Variants in CCDC34 observed in about 807,000 individuals in gnomAD.
CCDC34 encodes the protein coiled-coil domain containing 34, also known as coiled-coil domain-containing protein 34.
A neutral mutation model predicts 44.1 loss-of-function variants in CCDC34; 40 were observed. The observed-to-expected ratio is 0.91, with a 90% CI of 0.70 to 1.18. CCDC34 has a LOEUF of 1.18. Ranked by LOEUF, CCDC34 falls within the 50% of genes most tolerant of loss-of-function variation. CCDC34 has a pLI of 0.00. For synonymous variants in CCDC34, 159 were observed against 158.2 expected (o/e 1.01, Z -0.04); for missense variants, 466 against 452.3 (o/e 1.03, Z -0.28).
At chr11:27,351,808 A>G (rs1455746700) in intron 2 of CCDC34, among the ~76,000 whole-genome samples, 1 of 152,192 alleles carries the variant, frequency 6.6e-6, no homozygotes, top group East Asian at 1.9e-4. Context: ...CTAGTCAGAA[A>G]TGAGCACCAT....
rs764893548 is a variant in CCDC34, at chr11:27,338,971, A to G, written c.972T>C (p.Ile324=). 4 of 1,613,818 alleles carry G rather than the reference A, an allele frequency of 2.5e-6. No homozygotes were observed. The South Asian group carries it at 4.4e-5, about 18-fold the overall frequency. Reference sequence around the variant, plus strand: ...TAGCTTCTTTGGGAGGTGGCATATGAATTGGTTTCCACGGAATTGGATTAT... The same window carrying G: ...TAGCTTCTTTGGGAGGTGGCATATGGATTGGTTTCCACGGAATTGGATTAT... ...AFYNPIPWKP[I]HMPPPKEAKD... The change falls in exon 6 of 6, where the codon ATT becomes ATC. Residue 324 remains isoleucine (I), a synonymous_variant. Coordinates refer to ENST00000328697, the MANE Select transcript of CCDC34 (RefSeq NM_030771.2).
In CCDC34 at chr11:27,341,496, TTGC is replaced by T. The variant is rs1402218191; in HGVS notation, c.658_660del (p.Ala220del). 2.1e-6 allele frequency: 3 copies of T among 1,419,544 alleles called. No individual in the cohort carries two copies. Among genetic ancestry groups the T allele is most frequent in the Non-Finnish European group, 2.9e-6 (3 of 1,049,962 alleles). The allele number at this position is 1,419,544 out of a possible 1,614,324, so 87.9% of individuals were successfully genotyped here. A position where few individuals can be genotyped will look rare whatever the true frequency, so the allele number is the denominator to read the frequency against. On this transcript the variant is annotated inframe_deletion, in exon 4 of 6. Transcript: ENST00000328697. ...TGCAAGTATTCTTTCTCCAGTTCCTTTGCTGCTTTTTCCTCCATTTCTTTATTA... is the reference window on the plus strand; with the variant it reads ...TGCAAGTATTCTTTCTCCAGTTCCTTTGCTTTTTCCTCCATTTCTTTATTA...
Position 27,350,411 on chromosome 11 carries a change from T to C in CCDC34, c.527A>G (p.Lys176Arg). 1 of 1,609,180 alleles carries C rather than the reference T, an allele frequency of 6.2e-7. No individual in the cohort carries two copies. The highest frequency in any genetic ancestry group is 8.5e-7 in the Non-Finnish European group (1 of 1,177,498). ...TCTTTTTTCACGTTCTTCCATTTCTTTTCTTTTTTCTAGTTGTTGATTTAA... is the reference window on the plus strand; with the variant it reads ...TCTTTTTTCACGTTCTTCCATTTCTCTTCTTTTTTCTAGTTGTTGATTTAA... ...EELNQQLEKR[K>R]EMEEREKRKI... The change falls in exon 3 of 6, where the codon AAA (lysine) becomes AGA (arginine). Residue 176 changes from lysine to arginine, a missense_variant. By Grantham distance (26) the Lys-to-Arg change is conservative. Coordinates refer to ENST00000328697, the MANE Select transcript of CCDC34 (RefSeq NM_030771.2).
intron 3 of CCDC34, among the ~76,000 whole-genome samples, chr11:27,344,187 T>G (rs1247603994): frequency 1.3e-5 from 2 of 152,042 alleles, no homozygotes. Flanking sequence ...AAAAAATGAT[T>G]TTAGAACACA....
intron 2 of CCDC34, among the ~76,000 whole-genome samples, chr11:27,354,737 G>A (rs1041951158): frequency 6.8e-6 from 1 of 147,338 alleles, no homozygotes; most frequent in Non-Finnish European, 1.5e-5. Context: ...GCGTGGTAGC[G>A]TGTGCCTACA....
intron 1 of CCDC34, 57 bp downstream of exon 1, chr11:27,362,779 A>G: frequency 6.4e-7 from 1 of 1,562,072 alleles, no homozygotes; most frequent in South Asian, 1.2e-5. Flanking sequence ...GGGGGTACTT[A>G]AGAGGGTCTA....
intron 2 of CCDC34, among the ~76,000 whole-genome samples, chr11:27,356,743 G>C (rs2133348795): frequency 6.6e-6 from 1 of 151,538 alleles, no homozygotes; most frequent in South Asian, 2.1e-4. Context: ...GTTCAAAAGA[G>C]ACTCACGCAT....
At chr11:27,348,803 GAAAAAA>G in intron 3 of CCDC34, 14 of 762,222 alleles carry the variant, frequency 1.8e-5, no homozygotes, top group South Asian at 6.2e-5. Context: ...AGGTCTTAAA[GAAAAAA>G]AAAAAAAAAA....
chr11:27,348,337 T>C (rs1862460833), intron 3 of CCDC34, among the ~76,000 whole-genome samples: 2 of 152,324 alleles, frequency 1.3e-5, no homozygotes, highest in South Asian at 4.1e-4. Flanking sequence ...ATCAGTTGTG[T>C]TTTGAGAACG....
intron 2 of CCDC34, among the ~76,000 whole-genome samples, chr11:27,351,268 T>C (rs1862500646): frequency 1.3e-5 from 2 of 152,210 alleles, no homozygotes; most frequent in Non-Finnish European, 2.9e-5. Flanking sequence ...CACTCCTCCA[T>C]AGCCCTTTCT....
In CCDC34 at chr11:27,363,020, A is replaced by G. The variant is rs754960163; in HGVS notation, c.175T>C (p.Cys59Arg). ...RSPSPPLPLS[C>R]SNSTRSLLSP... Reference sequence around the variant, plus strand: ...AACAGCGACCTGGTGGAATTGCTGCAGCTCAGCGGCAGCGGCGGCGACGGC... The same window carrying G: ...AACAGCGACCTGGTGGAATTGCTGCGGCTCAGCGGCAGCGGCGGCGACGGC... Residue 59 changes from cysteine (C) to arginine (R), a missense_variant, in exon 1 of 6, where the codon TGC becomes CGC. Physicochemically the swap from Cys to Arg is radical, Grantham distance 180. Transcript: ENST00000328697. 6.2e-7 allele frequency: 1 copy of G among 1,614,178 alleles called. No homozygotes were observed.
intron 3 of CCDC34, among the ~76,000 whole-genome samples, chr11:27,342,763 T>A (rs181259073): frequency 2.6e-4 from 40 of 152,184 alleles, no homozygotes; most frequent in Non-Finnish European, 4.7e-4. Flanking sequence ...TGGCCCTTTA[T>A]AGAAAAAAAA....
chr11:27,354,980 C>T (rs576938041), intron 2 of CCDC34, among the ~76,000 whole-genome samples: 14 of 152,224 alleles, frequency 9.2e-5, no homozygotes. Context: ...TCTAATGTCA[C>T]AGAATTAGAA....
chr11:27,347,669 G>T (rs566131775), intron 3 of CCDC34, among the ~76,000 whole-genome samples: 15 of 151,852 alleles, frequency 9.9e-5, no homozygotes, highest in Non-Finnish European at 1.5e-4. Context: ...TATAGAAAAG[G>T]CAACTCTAAT....
At chr11:27,349,650 T>C (rs1480229947) in intron 3 of CCDC34, 1 of 983,788 alleles carries the variant, frequency 1.0e-6, no homozygotes, top group Non-Finnish European at 1.2e-6. Flanking sequence ...ATTTCGAATG[T>C]GTGTGATCCA....
intron 1 of CCDC34, among the ~76,000 whole-genome samples, chr11:27,362,617 A>G (rs576147412): frequency 2.0e-5 from 3 of 152,292 alleles, no homozygotes; most frequent in South Asian, 4.2e-4. Context: ...AGCAATCATA[A>G]TATCTCAGGA....
rs371291657 is a variant in CCDC34 at position 27,340,741 on chromosome 11, G to C, written c.862C>G (p.Arg288Gly). Residue 288 changes from arginine to glycine, a missense_variant, in exon 5 of 6, where the codon CGT becomes GGT. By Grantham distance (125) the Arg-to-Gly change is moderately radical. Coordinates refer to ENST00000328697, the MANE Select transcript of CCDC34 (RefSeq NM_030771.2). ...EWLENAKHKPRPAAKSYGYAN... is the reference protein window; with the variant it reads ...EWLENAKHKPGPAAKSYGYAN... ...TAACCATAGCTCTTTGCAGCTGGAC[G>C]AGGTTTATGTTTCGCATTTTCCAAC... The C allele has an allele frequency of 6.2e-7, 1 of 1,613,788 alleles. No individual in the cohort carries two copies. Among genetic ancestry groups the C allele is most frequent in the East Asian group, 2.2e-5 (1 of 44,828 alleles).
At chr11:27,362,759 G>A (rs1460234696) in intron 1 of CCDC34, 77 bp downstream of exon 1, 2 of 1,494,410 alleles carry the variant, frequency 1.3e-6, no homozygotes, top group East Asian at 2.3e-5. Flanking sequence ...AGGGCAGGAG[G>A]ATGTTAGAAG....
At chr11:27,357,176 A>G (rs570559433) in intron 2 of CCDC34, among the ~76,000 whole-genome samples, 23 of 152,292 alleles carry the variant, frequency 1.5e-4, no homozygotes, top group African/African-American at 5.5e-4. Context: ...GTGAAATTAG[A>G]AGAGATTTTA....
Sources: allele counts gnomAD v4.1 joint callset (sites outside exome capture counted in the v4.1 genomes callset), GRCh38; gene constraint gnomAD v4.1.1; transcripts MANE v1.5; gene names NCBI Gene and HGNC (gene_info 2026-07-23, HGNC 2026-07-21).